The following SMARCB1 variants were observed in gnomAD, a reference collection of about 807,000 sequenced individuals.
The protein encoded by SMARCB1 is SWI/SNF related BAF chromatin remodeling complex subunit B1.
A neutral mutation model predicts 49.0 loss-of-function variants in SMARCB1; 5 were observed. That is an observed-to-expected ratio of 0.10 (90% CI 0.05 to 0.21). The LOEUF (loss-of-function observed/expected upper bound fraction) is 0.21, where lower values mean the gene tolerates loss of function less well. Ranked by LOEUF, SMARCB1 falls within the 10% of genes least tolerant of loss-of-function variation. SMARCB1 has a pLI of 1.00. For synonymous variants in SMARCB1, 201 were observed against 200.1 expected (o/e 1.00, Z -0.04); for missense variants, 226 against 509.2 (o/e 0.44, Z 5.35).
At position 23,837,492 on chromosome 22, in the gene SMARCB1, G is replaced by T; in HGVS notation, c.*3312G>T. 1.4e-6 allele frequency: 1 copy of T among 738,102 alleles called. No individual in the cohort carries two copies. The highest frequency in any genetic ancestry group is 2.2e-6 in the Non-Finnish European group (1 of 457,080). 45.7% of individuals were successfully genotyped at this position (738,102 alleles called of 1,614,324 possible). ...CGATGCAAATTATGTGGGCCGGCTG[G>T]CTTGAGGGGCTGTAAGAGCACAGCA... On this transcript the variant is annotated 3_prime_UTR_variant, in exon 9 of 9. Coordinates refer to ENST00000644036, the MANE Select transcript of SMARCB1 (RefSeq NM_003073.5).
chr22:23,813,328 G>C (rs1000724225), intron 5 of SMARCB1, among the ~76,000 whole-genome samples: 2 of 152,142 alleles, frequency 1.3e-5, no homozygotes, highest in African/African-American at 4.8e-5. Flanking sequence ...AGATTGGAAA[G>C]GAAGAAATAA....
chr22:23,799,374 G>A (rs896410955), intron 3 of SMARCB1, among the ~76,000 whole-genome samples: 1 of 151,902 alleles, frequency 6.6e-6, no homozygotes, highest in Non-Finnish European at 1.5e-5. Context: ...CGCCTCCTGG[G>A]TTCAAGTGAT....
chr22:23,787,355 C>G, intron 1 of SMARCB1, 93 bp downstream of exon 1: 1 of 585,864 alleles, frequency 1.7e-6, no homozygotes, highest in East Asian at 3.5e-5. Context: ...CTCCATTCAT[C>G]GGGGCGGGCG....
At chr22:23,803,512 C>G in intron 5 of SMARCB1, 90 bp downstream of exon 5, 1 of 1,488,678 alleles carries the variant, frequency 6.7e-7, no homozygotes, top group South Asian at 1.1e-5. Flanking sequence ...GCCTGTCAGG[C>G]AGATTCTGGA....
intron 7 of SMARCB1, among the ~76,000 whole-genome samples, chr22:23,831,576 A>G (rs1315175913): frequency 1.3e-5 from 2 of 152,188 alleles, no homozygotes; most frequent in Non-Finnish European, 2.9e-5. Context: ...TGCTGGCTCT[A>G]GGCCCGTTCT....
intron 5 of SMARCB1, among the ~76,000 whole-genome samples, chr22:23,809,457 A>G (rs1929729789): frequency 6.6e-6 from 1 of 151,454 alleles, no homozygotes; most frequent in East Asian, 2.0e-4. Flanking sequence ...TTGTATTTTT[A>G]GTAGAGAGGG....
chr22:23,787,399 T>C (rs990147631), intron 1 of SMARCB1, 137 bp downstream of exon 1: 45 of 458,140 alleles, frequency 9.8e-5, no homozygotes, highest in Non-Finnish European at 1.4e-4. Flanking sequence ...CTGTGGGGCG[T>C]GGCCTAGTGG....
rs574670001 is a variant in SMARCB1, at chr22:23,836,625, A to G, written c.*2445A>G. 3 of 1,227,024 alleles carry G rather than the reference A, an allele frequency of 2.4e-6. No homozygotes were observed. Among genetic ancestry groups the G allele is most frequent in the African/African-American group, 1.6e-5 (1 of 63,904 alleles). 76.0% of individuals were successfully genotyped at this position (1,227,024 alleles called of 1,614,324 possible). The stretch of plus-strand genomic sequence containing the variant: ...TTCTTTGCCCTCTGTGGGCACCCCT[A>G]TCCTACCACCTGCAGTTGGGCTGAG... On this transcript the variant is annotated 3_prime_UTR_variant, in exon 9 of 9. Transcript: ENST00000644036.
chr22:23,802,950 C>T lies in SMARCB1; in HGVS notation c.501-345C>T, dbSNP rs1275584158. The T allele has an allele frequency of 1.3e-5, 5 of 397,618 alleles. No individual in the cohort carries two copies. In the Admixed American group the frequency reaches 1.5e-4, roughly 12 times the overall value. 24.6% of individuals were successfully genotyped at this position (397,618 alleles called of 1,614,324 possible). A position where few individuals can be genotyped will look rare whatever the true frequency, so the allele number is the denominator to read the frequency against. On this transcript the variant is annotated intron_variant, in intron 4 of 8. Coordinates refer to ENST00000644036, the MANE Select transcript of SMARCB1 (RefSeq NM_003073.5). ...CCTTGGCCTTGCTAGAATATTTCCT[C>T]TTCTGGAAATGCCCTTCTCCTTTCC...
intron 3 of SMARCB1, among the ~76,000 whole-genome samples, chr22:23,798,401 T>C (rs1928909701): frequency 6.6e-6 from 1 of 152,042 alleles, no homozygotes; most frequent in African/African-American, 2.4e-5. Context: ...CCACCATCTC[T>C]ATAAAAATAA....
rs2031148216 is a variant in SMARCB1 at position 23,837,314 on chromosome 22, T to C, written c.*3134T>C. On this transcript the variant is annotated 3_prime_UTR_variant, in exon 9 of 9. Transcript: ENST00000644036. ...CAGAGTGCCAGCCCCGGGTTGGCCGTGAAGGACAAGCTTAAAAGGCCCAGA... is the reference window on the plus strand; with the variant it reads ...CAGAGTGCCAGCCCCGGGTTGGCCGCGAAGGACAAGCTTAAAAGGCCCAGA... The C allele has an allele frequency of 7.2e-6, 7 of 971,598 alleles. No homozygotes were observed. In the South Asian group the frequency reaches 9.2e-5, roughly 13 times the overall value. 60.2% of individuals were successfully genotyped at this position (971,598 alleles called of 1,614,324 possible).
chr22:23,789,887 T>C (rs976977456), intron 1 of SMARCB1, among the ~76,000 whole-genome samples: 5 of 152,332 alleles, frequency 3.3e-5, no homozygotes, highest in Admixed American at 6.5e-5. Context: ...CATAGCAACA[T>C]ACCCAGTGCC....
Position 23,815,927 on chromosome 22 carries a change from C to T in SMARCB1, c.629-843C>T, listed in dbSNP as rs560321600. 14 of 152,604 alleles carry T rather than the reference C, an allele frequency of 9.2e-5. No individual in the cohort carries two copies. The East Asian group carries it at 2.7e-3, about 29-fold the overall frequency. The allele number at this position is 152,604 out of a possible 1,614,324, so 9.5% of individuals were successfully genotyped here. A position where few individuals can be genotyped will look rare whatever the true frequency, so the allele number is the denominator to read the frequency against. The stretch of plus-strand genomic sequence containing the variant: ...GCAGTGTATTCACTGGGTGTTTACC[C>T]CGTGCACCTGAGGTTCCTGCTGTTG... On this transcript the variant is annotated intron_variant, in intron 5 of 8. Transcript: ENST00000644036.
intron 3 of SMARCB1, among the ~76,000 whole-genome samples, chr22:23,797,609 C>CTT (rs71184910): frequency 0.077 from 2,779 of 36,294 alleles, 1,065 homozygotes; most frequent in East Asian, 0.11. Context: ...TGCGCCTGGC[C>CTT]TTTTTTTTTT....
At chr22:23,820,244 A>G (rs1342384490) in intron 6 of SMARCB1, among the ~76,000 whole-genome samples, 1 of 151,814 alleles carries the variant, frequency 6.6e-6, no homozygotes, top group Non-Finnish European at 1.5e-5. Context: ...GAGTTAAAGA[A>G]TAGTTTGAGA....
chr22:23,790,172 C>T (rs1225990216), intron 1 of SMARCB1, among the ~76,000 whole-genome samples: 1 of 151,952 alleles, frequency 6.6e-6, no homozygotes, highest in Non-Finnish European at 1.5e-5. Flanking sequence ...GACTCAGAGC[C>T]CTGCAGGGCC....
chr22:23,802,821 G>A (rs957760453), intron 4 of SMARCB1: 1 of 300,606 alleles, frequency 3.3e-6, no homozygotes, highest in South Asian at 3.1e-5. Flanking sequence ...AACTGTGGGT[G>A]CTTCGACACC....
At chr22:23,826,662 G>A (rs2030396904) in intron 7 of SMARCB1, among the ~76,000 whole-genome samples, 3 of 152,220 alleles carry the variant, frequency 2.0e-5, no homozygotes, top group South Asian at 2.1e-4. Context: ...GGAGCAAATA[G>A]GAAGGTCTGT....
intron 3 of SMARCB1, among the ~76,000 whole-genome samples, chr22:23,795,563 G>A (rs1928689494): frequency 6.6e-6 from 1 of 151,996 alleles, no homozygotes; most frequent in Admixed American, 6.6e-5. Context: ...GGCTGAGGCA[G>A]GAGAATCACT....
Sources: allele counts gnomAD v4.1 joint callset (sites outside exome capture counted in the v4.1 genomes callset), GRCh38; gene constraint gnomAD v4.1.1; transcripts MANE v1.5; gene names NCBI Gene and HGNC (gene_info 2026-07-23, HGNC 2026-07-21).